DEF8: variants seen among roughly 807,000 people sequenced by gnomAD.
DEF8 encodes DEF-8.
A neutral mutation model predicts 59.1 loss-of-function variants in DEF8; 38 were observed. That is an observed-to-expected ratio of 0.64 (90% CI 0.50 to 0.84). The LOEUF (loss-of-function observed/expected upper bound fraction) is 0.84. DEF8 is among the 40% of genes least tolerant of loss of function. The pLI is 0.00. For missense variants in DEF8, 557 were observed against 615.2 expected (o/e 0.91, Z 1.00); for synonymous variants, 265 against 250.1 (o/e 1.06, Z -0.56).
chr16:89,951,827 C>G (rs185439512), intron 2 of DEF8, among the ~76,000 whole-genome samples: 3 of 151,962 alleles, frequency 2.0e-5, no homozygotes, highest in Admixed American at 6.6e-5. Context: ...TGTATGTATA[C>G]ACACACACAC....
intron 6 of DEF8, chr16:89,959,476 TTTTGTTTTTG>T (rs1459880122): frequency 1.6e-5 from 11 of 672,656 alleles, no homozygotes; most frequent in Non-Finnish European, 2.4e-5. Flanking sequence ...TGACTTTGTT[TTTTGTTTTTG>T]TTTGTTTTTG....
At position 89,957,383 on chromosome 16, in the gene DEF8, C is replaced by T. The variant is rs995446867; in HGVS notation, c.223-128C>T. ...CCCTGGAGCAAGTCCTCGGTGCCCTCTGGGTTGAGTTTCCTTCTCTGGGTG... is the reference window on the plus strand; with the variant it reads ...CCCTGGAGCAAGTCCTCGGTGCCCTTTGGGTTGAGTTTCCTTCTCTGGGTG... On this transcript the variant is annotated intron_variant, in intron 4 of 12. Transcript: ENST00000563594. 1.3e-5 allele frequency: 14 copies of T among 1,072,766 alleles called. 1 individual carries two copies. The East Asian group carries it at 3.8e-4, about 29-fold the overall frequency. 66.5% of individuals were successfully genotyped at this position (1,072,766 alleles called of 1,614,324 possible). A position where few individuals can be genotyped will look rare whatever the true frequency, so the allele number is the denominator to read the frequency against.
intron 2 of DEF8, among the ~76,000 whole-genome samples, chr16:89,953,017 T>G (rs1020891992): frequency 3.3e-5 from 5 of 152,238 alleles, no homozygotes; most frequent in African/African-American, 1.2e-4. Flanking sequence ...GCTCTCTTTC[T>G]TTTGGGAGAA....
chr16:89,949,538 A>C (rs1447784944), intron 2 of DEF8, 25 bp downstream of exon 2: 21 of 1,612,862 alleles, frequency 1.3e-5, no homozygotes, highest in Non-Finnish European at 1.6e-5. Flanking sequence ...GACGCTGTTG[A>C]CTCCGCACAC....
rs1350869714 is a variant in DEF8 at position 89,961,737 on chromosome 16, G to C, written c.680G>C (p.Arg227Pro). 1.9e-6 allele frequency: 3 copies of C among 1,613,220 alleles called. No homozygotes were observed. The highest frequency in any genetic ancestry group is 2.5e-6 in the Non-Finnish European group (3 of 1,180,014). ...CAECRAPISL[R>P]GVPSEARQCD... is the part of the protein sequence containing the mutation. ...ACTCAGGGCCCCTCTGACCCTGCAG[G>C]GGGTGTGCCCAGTGAGGCCAGGCAG... The change falls in exon 8 of 13, where the codon CGG (arginine) becomes CCG (proline). Residue 227 changes from arginine (R) to proline (P), a missense_variant and splice_region_variant. By Grantham distance (103) the Arg-to-Pro change is moderately radical (BLOSUM62 -2). Coordinates refer to ENST00000563594, the MANE Select transcript of DEF8 (RefSeq NM_001242818.2).
intron 4 of DEF8, among the ~76,000 whole-genome samples, chr16:89,957,089 G>T (rs1006576737): frequency 6.6e-6 from 1 of 152,200 alleles, no homozygotes; most frequent in Non-Finnish European, 1.5e-5. Flanking sequence ...GCTGGCTCTC[G>T]GCATGTGCTT....
At chr16:89,958,934 T>C (rs2033648822) in intron 5 of DEF8, 80 bp from the exon 6 acceptor site, 2 of 1,562,408 alleles carry the variant, frequency 1.3e-6, no homozygotes, top group Non-Finnish European at 1.7e-6. Context: ...CTGGAAGAAA[T>C]AAGTTGAGGG....
rs2031140307 is a variant in DEF8, at chr16:89,948,787, C to T, written c.-135C>T. On this transcript the variant is annotated 5_prime_UTR_variant, in exon 1 of 13. Coordinates refer to ENST00000563594, the MANE Select transcript of DEF8 (RefSeq NM_001242818.2). Reference sequence around the variant, plus strand: ...GGCGGCCGGGCGGATCCAGCGCAGCCGGGAGACAGATGCGAGGCGGCGGTC... The same window carrying T: ...GGCGGCCGGGCGGATCCAGCGCAGCTGGGAGACAGATGCGAGGCGGCGGTC... The T allele has an allele frequency of 6.1e-6, 6 of 980,170 alleles. No homozygotes were observed. Among genetic ancestry groups the T allele is most frequent in the Admixed American group, 6.4e-5 (1 of 15,642 alleles). The allele number at this position is 980,170 out of a possible 1,614,324, so 60.7% of individuals were successfully genotyped here.
chr16:89,961,641 G>C lies in DEF8; in HGVS notation c.680-96G>C, dbSNP rs1009511108. On this transcript the variant is annotated intron_variant, in intron 7 of 12. Coordinates refer to ENST00000563594, the MANE Select transcript of DEF8 (RefSeq NM_001242818.2). ...ATAGGACATGTTCCCATGTCTCCCC[G>C]AGGGCTGTGGTCCATGGGAGGACAG... 3 of 1,499,050 alleles carry C rather than the reference G, an allele frequency of 2.0e-6. No individual in the cohort carries two copies. The African/African-American group carries it at 4.1e-5, about 21-fold the overall frequency. 92.9% of individuals were successfully genotyped at this position (1,499,050 alleles called of 1,614,324 possible).
In DEF8 at chr16:89,962,050, G is replaced by T; in HGVS notation, c.846G>T (p.Val282=). The T allele has an allele frequency of 6.2e-7, 1 of 1,614,112 alleles. No homozygotes were observed. Among genetic ancestry groups the T allele is most frequent in the South Asian group, 1.1e-5 (1 of 91,090 alleles). The change falls in exon 9 of 13, where the codon GTG becomes GTT. Residue 282 remains valine, a synonymous_variant. Coordinates refer to ENST00000563594, the MANE Select transcript of DEF8 (RefSeq NM_001242818.2). ...RCSMRYLALM[V]SRPVLRLREI... is the part of the protein sequence containing the mutation. ...GCATGCGCTACCTGGCGCTGATGGT[G>T]TCTCGGCCCGTACTCAGGCTCCGGG...
chr16:89,962,363 T>C (rs16966317), intron 9 of DEF8, among the ~76,000 whole-genome samples: 3,041 of 152,268 alleles, frequency 0.02, 42 homozygotes, highest in African/African-American at 0.042. Context: ...ATAGCCACGT[T>C]AAAAAAGTAA....
At position 89,962,088 on chromosome 16, in the gene DEF8, T is replaced by C. The variant is rs1362368086; in HGVS notation, c.884T>C (p.Leu295Pro). 1.2e-6 allele frequency: 2 copies of C among 1,614,022 alleles called. No homozygotes were observed. The highest frequency in any genetic ancestry group is 1.7e-6 in the Non-Finnish European group (2 of 1,179,972). Residue 295 changes from leucine to proline, a missense_variant, in exon 9 of 13, where the codon CTG (leucine) becomes CCG (proline). By Grantham distance (98) the Leu-to-Pro change is moderately conservative. Coordinates refer to ENST00000563594, the MANE Select transcript of DEF8 (RefSeq NM_001242818.2). ...CTCAGGCTCCGGGAGATCAACCCTC[T>C]GCTGTTCAGCTACGTGGAGGAGCTG... Reference protein sequence around the residue: ...PVLRLREINPLLFSYVEELVE... With the variant: ...PVLRLREINPPLFSYVEELVE...
chr16:89,949,372 G>T, intron 1 of DEF8, 45 bp from the exon 2 acceptor site: 1 of 1,492,326 alleles, frequency 6.7e-7, no homozygotes, highest in Non-Finnish European at 9.1e-7. Flanking sequence ...TCCCGCGGGT[G>T]TGGTGGGTGG....
chr16:89,961,522 C>T (rs949331342), intron 7 of DEF8, among the ~76,000 whole-genome samples: 2 of 152,114 alleles, frequency 1.3e-5, no homozygotes, highest in African/African-American at 2.4e-5. Flanking sequence ...GTCCCTGCCT[C>T]GGTCCTACAG....
Position 89,954,339 on chromosome 16 carries a change from G to A in DEF8, c.87G>A (p.Gln29=), listed in dbSNP as rs775713936. 6.8e-6 allele frequency: 11 copies of A among 1,613,902 alleles called. No homozygotes were observed. The highest frequency in any genetic ancestry group is 9.3e-6 in the Non-Finnish European group (11 of 1,179,958). Residue 29 remains glutamine, a synonymous_variant, in exon 3 of 13, where the codon CAG becomes CAA. Coordinates refer to ENST00000563594, the MANE Select transcript of DEF8 (RefSeq NM_001242818.2). This position sits in a 1 kb window ranked among gnomAD's most constrained non-coding sequence, Gnocchi z 4.3. ...NKQSGPRQHE[Q]GPGEEVPDVT... is the part of the protein sequence containing the mutation. ...AGTCTGGGCCGAGACAGCATGAGCA[G>A]GGCCCTGGGGAGGAGGTCCCGGACG...
In DEF8 at chr16:89,954,043, C is replaced by G. The variant is rs571421555; in HGVS notation, c.-10-200C>G. On this transcript the variant is annotated intron_variant, in intron 2 of 12. Coordinates refer to ENST00000563594, the MANE Select transcript of DEF8 (RefSeq NM_001242818.2). This position sits in a 1 kb window ranked among gnomAD's most constrained non-coding sequence, Gnocchi z 4.3. ...GTGAGCTCTTTCCAAGGGGACGCCACCAGTGGGGGCCTGGGCAGGAGGCAG... is the reference window on the plus strand; with the variant it reads ...GTGAGCTCTTTCCAAGGGGACGCCAGCAGTGGGGGCCTGGGCAGGAGGCAG... The G allele has an allele frequency of 1.7e-6, 1 of 590,994 alleles. No individual in the cohort carries two copies. Among genetic ancestry groups the G allele is most frequent in the African/African-American group, 1.9e-5 (1 of 53,482 alleles). 36.6% of individuals were successfully genotyped at this position (590,994 alleles called of 1,614,324 possible).
chr16:89,954,962 T>C lies in DEF8; in HGVS notation c.125-207T>C, dbSNP rs540271229. On this transcript the variant is annotated intron_variant, in intron 3 of 12. Coordinates refer to ENST00000563594, the MANE Select transcript of DEF8 (RefSeq NM_001242818.2). This position sits in a 1 kb window ranked among gnomAD's most constrained non-coding sequence, Gnocchi z 4.3. ...TCCACCTCCTCATTTTGAGTGGCTC[T>C]TTCCTGTCTACACAAGGCTGTGGGC... Among the ~76,000 whole-genome samples the C allele has an allele frequency of 6.6e-6, 1 of 152,262 alleles. No individual in the cohort carries two copies. The highest frequency in any genetic ancestry group is 1.9e-4 in the East Asian group (1 of 5,180).
intron 1 of DEF8, 103 bp from the exon 2 acceptor site, chr16:89,949,314 G>T (rs931692863): frequency 1.1e-6 from 1 of 934,580 alleles, no homozygotes; most frequent in African/African-American, 1.7e-5. Context: ...GGTGGAACGG[G>T]TGGGTGGGAG....
At chr16:89,961,644 G>T in intron 7 of DEF8, 93 bp from the exon 8 acceptor site, 1 of 1,507,264 alleles carries the variant, frequency 6.6e-7, no homozygotes, top group Non-Finnish European at 9.1e-7. Context: ...TCTCCCCGAG[G>T]GCTGTGGTCC....
Sources: allele counts gnomAD v4.1 joint callset (sites outside exome capture counted in the v4.1 genomes callset), GRCh38; gene constraint gnomAD v4.1.1; non-coding constraint Gnocchi (gnomAD v3.1); transcripts MANE v1.5; gene names NCBI Gene and HGNC (gene_info 2026-07-23, HGNC 2026-07-21).